The following RACGAP1 variants were observed in gnomAD, a reference collection of about 807,000 sequenced individuals.
RACGAP1 encodes Rac GTPase activating protein 1.
Under a neutral mutation model 78.1 loss-of-function variants are expected in RACGAP1, and 30 were observed. The observed-to-expected ratio is 0.38, with a 90% CI of 0.29 to 0.52. The LOEUF is 0.52. Among genes scored for constraint, RACGAP1 ranks in the 20% least tolerant of loss-of-function variants. The pLI is 0.82. For synonymous variants in RACGAP1, 231 were observed against 264.8 expected (o/e 0.87, Z 1.24); for missense variants, 587 against 777.1 (o/e 0.76, Z 2.91).
chr12:50,016,992 G>T, intron 1 of RACGAP1: 1 of 1,187,608 alleles, frequency 8.4e-7, no homozygotes, highest in Non-Finnish European at 1.0e-6. Context: ...AAATAGGAAA[G>T]AGCATGTCAG....
At chr12:50,010,077 A>C (rs1272034340) in intron 2 of RACGAP1, among the ~76,000 whole-genome samples, 1 of 152,226 alleles carries the variant, frequency 6.6e-6, no homozygotes, top group African/African-American at 2.4e-5. Flanking sequence ...GCACAAACCT[A>C]GTATGTCACT....
chr12:50,012,166 C>A (rs1043646112), intron 2 of RACGAP1, among the ~76,000 whole-genome samples: 1 of 151,988 alleles, frequency 6.6e-6, no homozygotes, highest in Non-Finnish European at 1.5e-5. Flanking sequence ...GTGGTTCACA[C>A]CTGTAATCCC....
Position 50,000,053 on chromosome 12 carries a change from G to A in RACGAP1, c.631-320C>T, listed in dbSNP as rs533100522. Among the ~76,000 whole-genome samples, 9 of 108,172 alleles carry A rather than the reference G, an allele frequency of 8.3e-5. No individual in the cohort carries two copies. The South Asian group carries it at 2.1e-3, about 26-fold the overall frequency. 71.0% of individuals were successfully genotyped at this position (108,172 alleles called of 152,430 possible). A position where few individuals can be genotyped will look rare whatever the true frequency, so the allele number is the denominator to read the frequency against. ...TTTTGAGACGGAGTCTCGCTGTGTC[G>A]CCCACGCTGGAGTACAGTGGCCCAA... On this transcript the variant is annotated intron_variant, in intron 7 of 16. Coordinates refer to ENST00000312377, the MANE Select transcript of RACGAP1 (RefSeq NM_001319999.2).
intron 2 of RACGAP1, among the ~76,000 whole-genome samples, chr12:50,015,042 CAAA>C (rs35573059): frequency 3.3e-5 from 4 of 120,980 alleles, no homozygotes; most frequent in Non-Finnish European, 3.3e-5. Context: ...GATTCTGTCT[CAAA>C]AAAAAAAAAA....
rs565856051 is a variant in RACGAP1 at position 50,030,979 on chromosome 12, C to T, written c.-24+718G>A. On this transcript the variant is annotated intron_variant, in intron 2 of 3. Coordinates refer to the RACGAP1 transcript ENST00000548247. ...ATTTTTAGTAGAGATGGGGTTTCACCATGTTGGCCAGGCTGGTCTCAAACT... is the reference window on the plus strand; with the variant it reads ...ATTTTTAGTAGAGATGGGGTTTCACTATGTTGGCCAGGCTGGTCTCAAACT... 2.2e-4 allele frequency among the ~76,000 whole-genome samples: 34 copies of T among 151,432 alleles called. 1 individual carries two copies. In the East Asian group the frequency reaches 6.8e-3, roughly 30 times the overall value.
intron 10 of RACGAP1, among the ~76,000 whole-genome samples, chr12:49,995,388 C>G (rs1470845846): frequency 6.7e-6 from 1 of 150,362 alleles, no homozygotes. Flanking sequence ...ACAAAATGTA[C>G]AGGCATGGAT....
chr12:50,027,617 G>A (rs1055869305), upstream of RACGAP1, among the ~76,000 whole-genome samples: 1 of 152,144 alleles, frequency 6.6e-6, no homozygotes, highest in Non-Finnish European at 1.5e-5. Flanking sequence ...CGTGAGGTCA[G>A]GAGTTCGAGA....
chr12:49,992,424 G>A, intron 13 of RACGAP1, 47 bp from the exon 14 acceptor site: 1 of 1,599,140 alleles, frequency 6.3e-7, no homozygotes, highest in Non-Finnish European at 8.6e-7. Flanking sequence ...TTGCTTAAAT[G>A]CAGACCAAAA....
At chr12:50,028,480 C>G (rs771754974), upstream of RACGAP1, among the ~76,000 whole-genome samples, 2 of 152,200 alleles carry the variant, frequency 1.3e-5, no homozygotes, top group Non-Finnish European at 2.9e-5. Context: ...TTTAAAAATG[C>G]AATTATGGCT....
chr12:50,011,495 G>C (rs969399859), intron 2 of RACGAP1, among the ~76,000 whole-genome samples: 1 of 152,120 alleles, frequency 6.6e-6, no homozygotes, highest in East Asian at 1.9e-4. Context: ...GGGAGGCCGA[G>C]GTGGGAGGAC....
rs79466036 is a variant in RACGAP1 at position 50,002,072 on chromosome 12, GAA to G, written c.549+173_549+174del. The stretch of plus-strand genomic sequence containing the variant: ...GAGCAAAACTCCGTCTCAAAAAAAA[GAA>G]AAAAAAAAAAAAAAAAGAATATCAA... On this transcript the variant is annotated intron_variant, in intron 6 of 16. Coordinates refer to ENST00000312377, the MANE Select transcript of RACGAP1 (RefSeq NM_001319999.2). Among the ~76,000 whole-genome samples, 23 of 87,222 alleles carry G rather than the reference GAA, an allele frequency of 2.6e-4. No homozygotes were observed. The East Asian group carries it at 3.4e-3, about 13-fold the overall frequency. 57.2% of individuals were successfully genotyped at this position (87,222 alleles called of 152,430 possible).
At chr12:49,992,699 C>T (rs1233385895) in intron 12 of RACGAP1, 44 bp from the exon 13 acceptor site, 15 of 1,500,154 alleles carry the variant, frequency 1.0e-5, no homozygotes, top group Non-Finnish European at 1.4e-5. Context: ...ACTTCTTTCC[C>T]TTGACAGCGG....
chr12:50,021,944 CAGA>C (rs1473023386), intron 1 of RACGAP1, among the ~76,000 whole-genome samples: 1 of 152,168 alleles, frequency 6.6e-6, no homozygotes, highest in African/African-American at 2.4e-5. Context: ...AACTGGCGGA[CAGA>C]AGGATTATCT....
chr12:49,994,577 G>A (rs1592135641), intron 10 of RACGAP1, 68 bp from the exon 11 acceptor site: 1 of 1,550,536 alleles, frequency 6.4e-7, no homozygotes, highest in Non-Finnish European at 8.7e-7. Context: ...GACCACATGC[G>A]AAGAACCACC....
chr12:49,999,061 TA>T, intron 9 of RACGAP1, 79 bp downstream of exon 9: 1 of 1,453,962 alleles, frequency 6.9e-7, no homozygotes, highest in Non-Finnish European at 9.1e-7. Flanking sequence ...TTTATAACAC[TA>T]AAGTATTTAA....
intron 3 of RACGAP1, 51 bp downstream of exon 3, chr12:50,006,383 G>C: frequency 6.3e-7 from 1 of 1,591,352 alleles, no homozygotes; most frequent in Non-Finnish European, 8.6e-7. Context: ...GTCAGACAAT[G>C]CCTTCCCCCT....
At chr12:49,993,880 C>T (rs547908902) in intron 12 of RACGAP1, among the ~76,000 whole-genome samples, 36 of 151,262 alleles carry the variant, frequency 2.4e-4, no homozygotes, top group Admixed American at 1.8e-3. Flanking sequence ...CCCATCTCTA[C>T]TAAAGATAGA....
At chr12:50,008,459 A>G (rs1017400333) in intron 2 of RACGAP1, among the ~76,000 whole-genome samples, 4 of 151,858 alleles carry the variant, frequency 2.6e-5, no homozygotes, top group African/African-American at 9.7e-5. Context: ...TTGGCCTCCA[A>G]AAGTGCTAGG....
At chr12:50,015,568 G>A (rs867695410) in intron 2 of RACGAP1, among the ~76,000 whole-genome samples, 6 of 152,076 alleles carry the variant, frequency 3.9e-5, no homozygotes, top group Non-Finnish European at 7.4e-5. Context: ...TTGGGAGGCC[G>A]AGGCGGGCAG....
Sources: gnomAD v4.1 joint callset for allele counts (sites outside exome capture counted in the v4.1 genomes callset) on GRCh38, gnomAD v4.1.1 for gene constraint, MANE v1.5 for transcripts, NCBI Gene and HGNC (gene_info 2026-07-23, HGNC 2026-07-21) for gene names.